MAD1L1: variants seen among roughly 807,000 people sequenced by gnomAD.
MAD1L1 encodes the protein mitotic arrest deficient 1 like 1.
A neutral mutation model predicts 96.9 loss-of-function variants in MAD1L1; 95 were observed. The observed-to-expected ratio is 0.98, with a 90% confidence interval of 0.83 to 1.16. The LOEUF (loss-of-function observed/expected upper bound fraction) is 1.16, where lower values mean the gene tolerates loss of function less well. MAD1L1 is among the 50% of genes most tolerant of loss of function. The pLI is 0.00. For synonymous variants in MAD1L1, 473 were observed against 396.6 expected (o/e 1.19, Z -2.29); for missense variants, 1,007 against 954.4 (o/e 1.06, Z -0.73).
intron 12 of MAD1L1, among the ~76,000 whole-genome samples, chr7:2,040,728 C>T (rs1023512541): frequency 1.3e-5 from 2 of 152,238 alleles, no homozygotes; most frequent in East Asian, 1.9e-4. Context: ...CCCCGCCAGG[C>T]TGTTCCGAGG....
chr7:1,907,666 T>G (rs1787750951), intron 17 of MAD1L1, among the ~76,000 whole-genome samples: 1 of 152,212 alleles, frequency 6.6e-6, no homozygotes, highest in Admixed American at 6.5e-5. Flanking sequence ...TCCCTGGGTG[T>G]GGCAGGAGTG....
intron 18 of MAD1L1, among the ~76,000 whole-genome samples, chr7:1,831,186 T>C (rs1225650852): frequency 6.6e-6 from 1 of 152,260 alleles, no homozygotes; most frequent in Non-Finnish European, 1.5e-5. Context: ...TGGCACTATT[T>C]TTCCAAAAGC....
intron 14 of MAD1L1, among the ~76,000 whole-genome samples, chr7:2,000,647 C>T (rs1007374169): frequency 6.6e-6 from 1 of 152,234 alleles, no homozygotes; most frequent in South Asian, 2.1e-4. Flanking sequence ...CTGTCTTTCA[C>T]TCTCCTATGG....
intron 12 of MAD1L1, among the ~76,000 whole-genome samples, chr7:2,049,057 A>G (rs1053649980): frequency 6.6e-6 from 1 of 152,288 alleles, no homozygotes; most frequent in Non-Finnish European, 1.5e-5. Flanking sequence ...ACTACCTCAC[A>G]CATATATTTG....
At position 2,221,984 on chromosome 7, in the gene MAD1L1, C is replaced by T. The variant is rs915320026; in HGVS notation, c.471+591G>A. Among the ~76,000 whole-genome samples the T allele has an allele frequency of 4.6e-5, 7 of 151,868 alleles. 1 individual carries two copies. The highest frequency in any genetic ancestry group is 3.9e-4 in the East Asian group (2 of 5,182). On this transcript the variant is annotated intron_variant, in intron 5 of 18. Transcript: ENST00000265854. ...GCTACCTGTCGCATACATACATGAGCGAACACAAACACACTAAACGTCCAC... is the reference window on the plus strand; with the variant it reads ...GCTACCTGTCGCATACATACATGAGTGAACACAAACACACTAAACGTCCAC...
chr7:2,186,854 C>T (rs1791484592), intron 10 of MAD1L1, among the ~76,000 whole-genome samples: 1 of 151,514 alleles, frequency 6.6e-6, no homozygotes, highest in Non-Finnish European at 1.5e-5. Flanking sequence ...AGTGCAGTGG[C>T]ACAATCTCAG....
intron 17 of MAD1L1, among the ~76,000 whole-genome samples, chr7:1,929,576 C>G (rs574681462): frequency 1.3e-5 from 2 of 152,210 alleles, no homozygotes; most frequent in Admixed American, 1.3e-4. Context: ...ACTCAGATCC[C>G]CGAGAGCAGG....
In MAD1L1 at chr7:1,956,379, G is replaced by A. The variant is rs374242542; in HGVS notation, c.1596+1250C>T. On this transcript the variant is annotated intron_variant, in intron 16 of 18. Transcript: ENST00000265854. The stretch of plus-strand genomic sequence containing the variant: ...TGCACTTGCTTCTCCCACGCCATCC[G>A]GGCACAGTTGTCCCTGTTGCCCTGA... Among the ~76,000 whole-genome samples the A allele has an allele frequency of 1.4e-4, 21 of 152,268 alleles. No individual in the cohort carries two copies. The East Asian group carries it at 3.1e-3, about 22-fold the overall frequency.
At chr7:2,071,455 G>T (rs934398382) in intron 11 of MAD1L1, among the ~76,000 whole-genome samples, 1 of 152,226 alleles carries the variant, frequency 6.6e-6, no homozygotes, top group African/African-American at 2.4e-5. Flanking sequence ...GTAACTGATC[G>T]TCAACCCATC....
intron 11 of MAD1L1, among the ~76,000 whole-genome samples, chr7:2,080,376 A>G (rs1256055561): frequency 1.3e-5 from 2 of 152,236 alleles, no homozygotes; most frequent in Non-Finnish European, 2.9e-5. Context: ...ATGGGTAACT[A>G]AAGACATGAG....
At chr7:2,173,741 AGT>A (rs915879665) in intron 10 of MAD1L1, among the ~76,000 whole-genome samples, 28 of 152,202 alleles carry the variant, frequency 1.8e-4, no homozygotes, top group Admixed American at 1.8e-3. Context: ...CTCAGTCATC[AGT>A]CTCTCTCTTC....
intron 11 of MAD1L1, among the ~76,000 whole-genome samples, chr7:2,073,020 C>T (rs1785209994): frequency 6.6e-6 from 1 of 152,202 alleles, no homozygotes; most frequent in Non-Finnish European, 1.5e-5. Context: ...GCAATAGAGC[C>T]AGGGGCCAAG....
intron 15 of MAD1L1, among the ~76,000 whole-genome samples, chr7:1,970,189 G>A (rs1002189944): frequency 2.0e-5 from 3 of 152,150 alleles, no homozygotes; most frequent in Non-Finnish European, 2.9e-5. Flanking sequence ...GTCCCTGTGT[G>A]GCTGGGTGAA....
intron 15 of MAD1L1, among the ~76,000 whole-genome samples, chr7:1,978,198 T>C (rs1780735026): frequency 6.6e-6 from 1 of 152,230 alleles, no homozygotes; most frequent in African/African-American, 2.4e-5. Flanking sequence ...TCATCCAGCC[T>C]TGGCCTTGGT....
intron 16 of MAD1L1, among the ~76,000 whole-genome samples, chr7:1,956,644 G>GCT (rs1554306718): frequency 6.6e-6 from 1 of 152,168 alleles, no homozygotes; most frequent in Non-Finnish European, 1.5e-5. Context: ...GACACTGCCA[G>GCT]CCACTCCTCA....
At chr7:2,055,676 A>C (rs1404924386) in intron 12 of MAD1L1, among the ~76,000 whole-genome samples, 1 of 151,284 alleles carries the variant, frequency 6.6e-6, no homozygotes, top group Non-Finnish European at 1.5e-5. Context: ...TCTCAAAAAA[A>C]AAAAAAAAAA....
At chr7:2,196,796 C>T (rs1387522627) in intron 10 of MAD1L1, among the ~76,000 whole-genome samples, 2 of 152,200 alleles carry the variant, frequency 1.3e-5, no homozygotes, top group Non-Finnish European at 2.9e-5. Context: ...AGGAACAGTG[C>T]GGCTCAATTC....
intron 17 of MAD1L1, among the ~76,000 whole-genome samples, chr7:1,899,886 A>G (rs1484037299): frequency 6.6e-6 from 1 of 152,200 alleles, no homozygotes; most frequent in Non-Finnish European, 1.5e-5. Context: ...GAAGCCCTCA[A>G]GTCTGCAGAG....
chr7:1,919,170 C>G (rs769166533), intron 17 of MAD1L1, among the ~76,000 whole-genome samples: 23 of 152,380 alleles, frequency 1.5e-4, no homozygotes, highest in Non-Finnish European at 2.9e-4. Flanking sequence ...AGGACCTGGG[C>G]CGGTGGTCCC....
Sources: gnomAD v4.1 joint callset for allele counts (sites outside exome capture counted in the v4.1 genomes callset) on GRCh38, gnomAD v4.1.1 for gene constraint, MANE v1.5 for transcripts, NCBI Gene and HGNC (gene_info 2026-07-23, HGNC 2026-07-21) for gene names.